The following SLC24A2 variants were observed in gnomAD, a reference collection of about 807,000 sequenced individuals.
The protein encoded by SLC24A2 is solute carrier family 24 member 2, also known as sodium/potassium/calcium exchanger 2.
A neutral mutation model predicts 62.0 loss-of-function variants in SLC24A2; 36 were observed. The observed-to-expected ratio is 0.58, with a 90% CI of 0.44 to 0.77. SLC24A2 has a LOEUF of 0.77. Ranked by LOEUF, SLC24A2 falls within the 30% of genes least tolerant of loss-of-function variation. The pLI, the probability that SLC24A2 is intolerant of heterozygous loss-of-function variation, is 0.00. For synonymous variants in SLC24A2, 358 were observed against 294.0 expected, an observed-to-expected ratio of 1.22 and a Z score of -2.23; for missense variants, 846 against 817.9, an observed-to-expected ratio of 1.03 and a Z score of -0.42.
chr9:19,903,469 T>C, the SLC24A2 span, among the ~76,000 whole-genome samples: 2 of 152,182 alleles, frequency 1.3e-5, no homozygotes, highest in African/African-American at 2.4e-5. Context: ...GATTAAGGCT[T>C]TGGAATATTA....
At chr9:20,256,667 G>A in the SLC24A2 span, among the ~76,000 whole-genome samples, 1 of 152,032 alleles carries the variant, frequency 6.6e-6, no homozygotes, top group Non-Finnish European at 1.5e-5. Flanking sequence ...CAGTTCTTAG[G>A]TTCAGGGGAG....
At chr9:20,248,637 C>T in the SLC24A2 span, among the ~76,000 whole-genome samples, 48 of 152,310 alleles carry the variant, frequency 3.2e-4, no homozygotes, top group Non-Finnish European at 4.4e-4. Context: ...TGAATACCAT[C>T]GCATTGGGGA....
the SLC24A2 span, among the ~76,000 whole-genome samples, chr9:20,123,799 C>T: frequency 3.5e-3 from 539 of 152,238 alleles, 2 homozygotes; most frequent in Non-Finnish European, 5.1e-3. Flanking sequence ...TTTCCACTCT[C>T]TTGTTTTAGA....
At chr9:19,560,943 A>C (rs1465469748) in intron 7 of SLC24A2, among the ~76,000 whole-genome samples, 1 of 145,602 alleles carries the variant, frequency 6.9e-6, no homozygotes, top group African/African-American at 2.5e-5. Flanking sequence ...AGAGAGAGAG[A>C]GAGACAGAGT....
the SLC24A2 span, among the ~76,000 whole-genome samples, chr9:19,970,219 G>T: frequency 6.6e-6 from 1 of 152,162 alleles, no homozygotes; most frequent in Non-Finnish European, 1.5e-5. Flanking sequence ...CCTGAAAGTG[G>T]AAGGGAACCC....
intron 2 of SLC24A2, among the ~76,000 whole-genome samples, chr9:19,741,587 C>CT (rs1255070680): frequency 9.9e-5 from 15 of 152,284 alleles, no homozygotes; most frequent in Admixed American, 6.5e-4. Flanking sequence ...CTGCTTCCTG[C>CT]AATTCTACCT....
the SLC24A2 span, among the ~76,000 whole-genome samples, chr9:20,214,691 T>G: frequency 6.6e-6 from 1 of 152,172 alleles, no homozygotes; most frequent in Non-Finnish European, 1.5e-5. Context: ...AATAAAATGA[T>G]AATAAGTTTG....
chr9:19,802,577 G>T, the SLC24A2 span, among the ~76,000 whole-genome samples: 1 of 151,994 alleles, frequency 6.6e-6, no homozygotes, highest in Admixed American at 6.5e-5. Flanking sequence ...ATCTGATTAG[G>T]AATAATGATC....
chr9:19,561,581 C>T (rs769215370), intron 7 of SLC24A2, among the ~76,000 whole-genome samples: 107 of 150,992 alleles, frequency 7.1e-4, no homozygotes, highest in Non-Finnish European at 1.1e-3. Flanking sequence ...ACTACAGGTG[C>T]GTGCCACCAC....
the SLC24A2 span, among the ~76,000 whole-genome samples, chr9:19,999,117 C>G: frequency 1.3e-5 from 2 of 152,372 alleles, no homozygotes; most frequent in East Asian, 3.9e-4. Context: ...TGCCTACCCA[C>G]TGGGGCTATT....
chr9:20,172,384 C>T, the SLC24A2 span, among the ~76,000 whole-genome samples: 4 of 151,646 alleles, frequency 2.6e-5, no homozygotes, highest in Non-Finnish European at 5.9e-5. Flanking sequence ...CAAACAAAAA[C>T]AATACAAAAG....
the SLC24A2 span, among the ~76,000 whole-genome samples, chr9:20,046,495 T>G: frequency 6.6e-6 from 1 of 152,250 alleles, no homozygotes. Context: ...CATCTTTGTC[T>G]TGAAGCCATA....
chr9:19,617,087 T>G (rs954027808), intron 4 of SLC24A2, among the ~76,000 whole-genome samples: 1 of 152,132 alleles, frequency 6.6e-6, no homozygotes, highest in African/African-American at 2.4e-5. Context: ...ACACTGGGTC[T>G]TGGGGAAGAC....
At chr9:19,748,499 G>A (rs896866468) in intron 2 of SLC24A2, among the ~76,000 whole-genome samples, 7 of 152,156 alleles carry the variant, frequency 4.6e-5, no homozygotes, top group Non-Finnish European at 1.0e-4. Flanking sequence ...TGAAAGATCT[G>A]TGAGTCACAG....
chr9:20,108,279 A>C, the SLC24A2 span, among the ~76,000 whole-genome samples: 11 of 152,212 alleles, frequency 7.2e-5, no homozygotes, highest in East Asian at 9.7e-4. Flanking sequence ...CCATTGTGGA[A>C]GTCAGTGTGG....
the SLC24A2 span, among the ~76,000 whole-genome samples, chr9:20,288,457 C>T: frequency 6.6e-6 from 1 of 152,162 alleles, no homozygotes; most frequent in African/African-American, 2.4e-5. Context: ...GAATGGGTAA[C>T]TTCTCCAAAC....
At chr9:20,116,005 C>A in the SLC24A2 span, among the ~76,000 whole-genome samples, 439 of 152,286 alleles carry the variant, frequency 2.9e-3, 1 homozygote, top group Middle Eastern at 0.014. Flanking sequence ...CAGCATTAAA[C>A]ACAATTCTGC....
intron 3 of SLC24A2, among the ~76,000 whole-genome samples, chr9:19,621,710 T>C (rs1817913555): frequency 6.6e-6 from 1 of 152,196 alleles, no homozygotes; most frequent in South Asian, 2.1e-4. Flanking sequence ...ATAACTATTA[T>C]GGTCCTTATT....
chr9:19,982,745 TC>T, the SLC24A2 span, among the ~76,000 whole-genome samples: 3 of 151,962 alleles, frequency 2.0e-5, no homozygotes, highest in Non-Finnish European at 4.4e-5. Flanking sequence ...GAAACCAATA[TC>T]CCTTATGATT....
Sources: allele counts gnomAD v4.1 joint callset (sites outside exome capture counted in the v4.1 genomes callset), GRCh38; gene constraint gnomAD v4.1.1; transcripts MANE v1.5; gene names NCBI Gene and HGNC (gene_info 2026-07-23, HGNC 2026-07-21).